The following TRIM37 variants were observed in gnomAD, a reference collection of about 807,000 sequenced individuals.
TRIM37 encodes tripartite motif containing 37, also known as E3 ubiquitin-protein ligase TRIM37.
TRIM37 carries 80 observed loss-of-function variants against 129.8 expected under a neutral mutation model. The observed-to-expected ratio is 0.62, with a 90% CI of 0.51 to 0.74. The LOEUF (loss-of-function observed/expected upper bound fraction) is 0.74, where lower values mean the gene tolerates loss of function less well. Ranked by LOEUF, TRIM37 falls within the 30% of genes least tolerant of loss-of-function variation. The probability of loss-of-function intolerance (pLI) is 0.00; values close to 1 mark genes in which losing one functional copy is unlikely to be tolerated. For synonymous variants in TRIM37, 389 were observed against 387.1 expected, an observed-to-expected ratio of 1.00 and a Z score of -0.06; for missense variants, 1,054 against 1,176.5, an observed-to-expected ratio of 0.90 and a Z score of 1.52.
downstream of TRIM37, among the ~76,000 whole-genome samples, chr17:58,996,588 G>A (rs1284481155): frequency 6.6e-6 from 1 of 151,664 alleles, no homozygotes; most frequent in Non-Finnish European, 1.5e-5. Flanking sequence ...AGGAGTTGGA[G>A]GCCAGCCTGG....
intron 2 of TRIM37, among the ~76,000 whole-genome samples, chr17:59,100,925 G>A (rs1290903596): frequency 6.6e-6 from 1 of 151,866 alleles, no homozygotes; most frequent in African/African-American, 2.4e-5. Flanking sequence ...GGGAGGCTGA[G>A]GCAGGAGAAT....
intron 17 of TRIM37, among the ~76,000 whole-genome samples, chr17:59,035,261 A>C (rs2038337554): frequency 6.6e-6 from 1 of 151,726 alleles, no homozygotes; most frequent in Admixed American, 6.6e-5. Flanking sequence ...AGGTTTCGCC[A>C]TGTTGGCCAG....
chr17:59,094,118 C>T (rs2044647027), intron 2 of TRIM37, among the ~76,000 whole-genome samples: 1 of 152,148 alleles, frequency 6.6e-6, no homozygotes, highest in Non-Finnish European at 1.5e-5. Flanking sequence ...TAGTCTCCAA[C>T]TCTGACCTCA....
intron 8 of TRIM37, among the ~76,000 whole-genome samples, chr17:59,071,875 T>A (rs2042401237): frequency 6.6e-6 from 1 of 152,224 alleles, no homozygotes; most frequent in Non-Finnish European, 1.5e-5. Flanking sequence ...ACTAAAATAG[T>A]AATATCCACC....
chr17:58,999,137 A>T lies in TRIM37; in HGVS notation c.*240T>A. 7.5e-7 allele frequency: 1 copy of T among 1,334,876 alleles called. No individual in the cohort carries two copies. Among genetic ancestry groups the T allele is most frequent in the South Asian group, 1.6e-5 (1 of 60,808 alleles). The allele number at this position is 1,334,876 out of a possible 1,614,324, so 82.7% of individuals were successfully genotyped here. A position where few individuals can be genotyped will look rare whatever the true frequency, so the allele number is the denominator to read the frequency against. ...GTACAAATTTGCTAAATTAATAGAG[A>T]ACTACATTGTTATTTCCTTACATTA... On this transcript the variant is annotated 3_prime_UTR_variant, in exon 24 of 24. Transcript: ENST00000262294.
chr17:58,969,143 A>C, the TRIM37 span, among the ~76,000 whole-genome samples: 1 of 152,170 alleles, frequency 6.6e-6, no homozygotes, highest in Non-Finnish European at 1.5e-5. Context: ...TTTCATTTTG[A>C]AAAAAATCAC....
intron 9 of TRIM37, 24 bp from the exon 10 acceptor site, chr17:59,064,429 A>G: frequency 6.5e-7 from 1 of 1,549,956 alleles, no homozygotes; most frequent in Non-Finnish European, 8.8e-7. Flanking sequence ...GGCAAAAAAA[A>G]TTATTTAGCT....
Position 59,001,769 on chromosome 17 carries a change from G to A in TRIM37, c.2696-55C>T, listed in dbSNP as rs780072740. The A allele has an allele frequency of 5.0e-6, 8 of 1,604,480 alleles. No homozygotes were observed. In the East Asian group the frequency reaches 1.8e-4, roughly 36 times the overall value. On this transcript the variant is annotated intron_variant, in intron 22 of 23. Transcript: ENST00000262294. The stretch of plus-strand genomic sequence containing the variant: ...GAAAAGAAACCACTGTAAGTAAAAG[G>A]AAACAGAAATCTCCGTATCTGCTAA...
At chr17:58,985,520 T>C (rs2031719943) in intron 24 of TRIM37, among the ~76,000 whole-genome samples, 2 of 152,204 alleles carry the variant, frequency 1.3e-5, no homozygotes, top group African/African-American at 4.8e-5. Flanking sequence ...TAACCAAGCT[T>C]TCCCCTTTCG....
At chr17:58,980,511 C>G (rs764503398), downstream of TRIM37, 47 of 1,614,032 alleles carry the variant, frequency 2.9e-5, 2 homozygotes, top group South Asian at 4.9e-4. The surrounding 1 kb of genome is among the most constrained non-coding windows in gnomAD (Gnocchi z 4.7). Flanking sequence ...CCTCACAGTG[C>G]CCAGTTTTTG....
intron 23 of TRIM37, among the ~76,000 whole-genome samples, chr17:59,000,977 G>A (rs979243073): frequency 3.9e-5 from 6 of 152,070 alleles, no homozygotes; most frequent in African/African-American, 1.4e-4. Context: ...GGTGGATCAC[G>A]AGGTCAAGAG....
chr17:59,063,788 G>C (rs1216446672), intron 10 of TRIM37, among the ~76,000 whole-genome samples: 3 of 152,164 alleles, frequency 2.0e-5, no homozygotes, highest in Non-Finnish European at 2.9e-5. Context: ...AGGTAAGAGG[G>C]GGCTCATCAA....
chr17:58,969,419 T>C, the TRIM37 span: 1 of 951,046 alleles, frequency 1.1e-6, no homozygotes, highest in East Asian at 2.5e-5. Flanking sequence ...TTTAGTCTCA[T>C]TATTCTGAAT....
chr17:59,078,644 T>C (rs2043016669), intron 7 of TRIM37, among the ~76,000 whole-genome samples: 1 of 152,164 alleles, frequency 6.6e-6, no homozygotes, highest in Non-Finnish European at 1.5e-5. Context: ...TATCTAGAGT[T>C]CTGAAAAACT....
At chr17:59,084,623 G>A (rs1599450068) in intron 4 of TRIM37, among the ~76,000 whole-genome samples, 7 of 152,270 alleles carry the variant, frequency 4.6e-5, no homozygotes, top group Middle Eastern at 6.8e-3. Flanking sequence ...CTCTGTTATG[G>A]ATTAACTATG....
rs139603193 is a variant in TRIM37 at position 59,088,571 on chromosome 17, G to A, written c.165-164C>T. ...TCTATGACCCAGGGTGGAATGCAGC[G>A]GCATGCATGATCATGGTTCACTGTA... is the stretch of plus-strand genomic sequence containing the variant. On this transcript the variant is annotated intron_variant, in intron 3 of 23. Transcript: ENST00000262294. Among the ~76,000 whole-genome samples, 1,695 of 151,548 alleles carry A rather than the reference G, an allele frequency of 0.011. 12 individuals carry two copies. The highest frequency in any genetic ancestry group is 0.024 in the Middle Eastern group (7 of 290).
At chr17:59,085,166 A>T (rs2043642709) in intron 4 of TRIM37, among the ~76,000 whole-genome samples, 1 of 152,072 alleles carries the variant, frequency 6.6e-6, no homozygotes, top group Non-Finnish European at 1.5e-5. Context: ...CTCTACTAGA[A>T]ATACAAAAAA....
At chr17:58,992,680 G>A (rs926887793) in intron 24 of TRIM37, among the ~76,000 whole-genome samples, 2 of 151,968 alleles carry the variant, frequency 1.3e-5, no homozygotes, top group African/African-American at 4.8e-5. Flanking sequence ...GTGCCCGGCA[G>A]GTGTCCAGAT....
chr17:59,091,648 A>G (rs977384046), intron 2 of TRIM37, among the ~76,000 whole-genome samples: 1 of 136,336 alleles, frequency 7.3e-6, no homozygotes, highest in Non-Finnish European at 1.5e-5. Flanking sequence ...ATATTATATA[A>G]TATTTATATA....
Sources: allele counts gnomAD v4.1 joint callset (sites outside exome capture counted in the v4.1 genomes callset), GRCh38; gene constraint gnomAD v4.1.1; non-coding constraint Gnocchi (gnomAD v3.1); transcripts MANE v1.5; gene names NCBI Gene and HGNC (gene_info 2026-07-23, HGNC 2026-07-21).